PTPN3: variants seen among roughly 807,000 people sequenced by gnomAD.
PTPN3 encodes tyrosine-protein phosphatase non-receptor type 3.
A neutral mutation model predicts 132.7 loss-of-function variants in PTPN3; 96 were observed. That is an observed-to-expected ratio of 0.72 (90% CI 0.61 to 0.86). The LOEUF (loss-of-function observed/expected upper bound fraction) is 0.86, where lower values mean the gene tolerates loss of function less well. Ranked by LOEUF, PTPN3 falls within the 40% of genes least tolerant of loss-of-function variation. The pLI is 0.00. For missense variants in PTPN3, 1,125 were observed against 1,159.6 expected, an observed-to-expected ratio of 0.97 and a Z score of 0.43; for synonymous variants, 398 against 429.0, an observed-to-expected ratio of 0.93 and a Z score of 0.89.
intron 10 of PTPN3, among the ~76,000 whole-genome samples, chr9:109,431,724 T>C (rs1436482755): frequency 6.6e-6 from 1 of 152,242 alleles, no homozygotes; most frequent in African/African-American, 2.4e-5. Flanking sequence ...ACTTAAGCGT[T>C]TTCCTACAAA....
the PTPN3 span, among the ~76,000 whole-genome samples, chr9:109,518,162 C>T: frequency 1.3e-5 from 2 of 152,206 alleles, no homozygotes; most frequent in African/African-American, 4.8e-5. Context: ...CCTCTTTGTT[C>T]CCTCTGCTCC....
intron 1 of PTPN3, among the ~76,000 whole-genome samples, chr9:109,470,269 C>A (rs1846311808): frequency 6.6e-6 from 1 of 152,160 alleles, no homozygotes; most frequent in South Asian, 2.1e-4. Context: ...TCACTGTAGA[C>A]ACACAGATGC....
intron 14 of PTPN3, among the ~76,000 whole-genome samples, chr9:109,416,169 G>C (rs1220076553): frequency 1.2e-4 from 19 of 152,178 alleles, no homozygotes; most frequent in Non-Finnish European, 1.5e-5. Flanking sequence ...AAGGCTGGCA[G>C]GTGGAACTGG....
intron 4 of PTPN3, 73 bp from the exon 5 acceptor site, chr9:109,454,647 A>G: frequency 2.6e-6 from 3 of 1,161,440 alleles, no homozygotes; most frequent in Admixed American, 1.8e-5. Flanking sequence ...CTTCTCTTCC[A>G]TAAGTGATGC....
At chr9:109,432,961 A>ACTCTC (rs2131905742) in intron 10 of PTPN3, 112 bp downstream of exon 10, 1 of 1,459,296 alleles carries the variant, frequency 6.9e-7, no homozygotes, top group South Asian at 1.5e-5. Flanking sequence ...CTCGGGAGGC[A>ACTCTC]CTCTCTATCT....
intron 21 of PTPN3, among the ~76,000 whole-genome samples, chr9:109,389,873 C>T (rs1261435386): frequency 6.6e-6 from 1 of 152,192 alleles, no homozygotes; most frequent in African/African-American, 2.4e-5. Context: ...GTTGGTCAAT[C>T]TTGACATTAA....
chr9:109,379,826 CAA>C (rs1184810429), intron 25 of PTPN3, among the ~76,000 whole-genome samples, 193 bp from the exon 26 acceptor site: 1 of 152,092 alleles, frequency 6.6e-6, no homozygotes, highest in African/African-American at 2.4e-5. Context: ...GAGGGGTGGG[CAA>C]AGTGTCATGG....
At chr9:109,440,022 G>C (rs1193116346) in intron 7 of PTPN3, among the ~76,000 whole-genome samples, 1 of 152,192 alleles carries the variant, frequency 6.6e-6, no homozygotes, top group African/African-American at 2.4e-5. Flanking sequence ...CCATAACGAA[G>C]GGATCTGTTT....
At chr9:109,499,777 C>T (rs761809321), upstream of PTPN3, among the ~76,000 whole-genome samples, 4 of 152,204 alleles carry the variant, frequency 2.6e-5, no homozygotes, top group African/African-American at 4.8e-5. Context: ...GCCGCTGCAG[C>T]GGGTGCCGCC....
At chr9:109,475,808 A>G (rs901196299) in intron 1 of PTPN3, among the ~76,000 whole-genome samples, 12 of 152,190 alleles carry the variant, frequency 7.9e-5, no homozygotes, top group Non-Finnish European at 1.0e-4. Context: ...CATACCAGCC[A>G]AGAAGCTGGA....
chr9:109,424,821 A>T (rs1265547156), intron 12 of PTPN3, among the ~76,000 whole-genome samples: 3 of 152,256 alleles, frequency 2.0e-5, no homozygotes, highest in Admixed American at 6.5e-5. Flanking sequence ...TGTTGCTTTC[A>T]GTCACCAAAA....
Position 109,485,290 on chromosome 9 carries a change from G to A in PTPN3, c.-18+12929C>T, listed in dbSNP as rs530047930. On this transcript the variant is annotated intron_variant, in intron 1 of 25. Transcript: ENST00000374541. ...TGGGAGGCCGAGGCGGGTGGATCACGAGGTCAGGAGATCGAGACCATCCTG... is the reference window on the plus strand; with the variant it reads ...TGGGAGGCCGAGGCGGGTGGATCACAAGGTCAGGAGATCGAGACCATCCTG... Among the ~76,000 whole-genome samples the A allele has an allele frequency of 3.3e-4, 50 of 152,210 alleles. No homozygotes were observed. In the South Asian group the frequency reaches 4.1e-3, roughly 13 times the overall value.
rs574383873 is a variant in PTPN3 at position 109,454,555 on chromosome 9, C to A, written c.309G>T (p.Leu103=). 3 of 1,613,302 alleles carry A rather than the reference C, an allele frequency of 1.9e-6. No homozygotes were observed. Among genetic ancestry groups the A allele is most frequent in the African/African-American group, 2.7e-5 (2 of 74,902 alleles). The change falls in exon 5 of 26, where the codon CTG becomes CTT. Residue 103 remains leucine, a synonymous_variant. Transcript: ENST00000374541. ...GTATAAAAAATCTTACTCGAAAATGCAGGGTACAGGGGAAACCTCCTACAA... is the reference window on the plus strand; with the variant it reads ...GTATAAAAAATCTTACTCGAAAATGAAGGGTACAGGGGAAACCTCCTACAA... ...KQLKGGFPCT[L]HFRVRFFIPD... is the part of the protein sequence containing the mutation.
At chr9:109,536,344 A>G in the PTPN3 span, among the ~76,000 whole-genome samples, 1 of 152,312 alleles carries the variant, frequency 6.6e-6, no homozygotes, top group African/African-American at 2.4e-5. Context: ...CCGATCTTCA[A>G]TCCTTTTGGG....
At chr9:109,488,926 G>C (rs1847334500) in intron 1 of PTPN3, among the ~76,000 whole-genome samples, 4 of 152,138 alleles carry the variant, frequency 2.6e-5, no homozygotes, top group Non-Finnish European at 5.9e-5. Flanking sequence ...AATGCCACCT[G>C]CTTCCCTGCC....
At chr9:109,518,748 T>C in the PTPN3 span, among the ~76,000 whole-genome samples, 1 of 152,186 alleles carries the variant, frequency 6.6e-6, no homozygotes, top group Non-Finnish European at 1.5e-5. Context: ...GGGCTCATAA[T>C]TCCACAAACC....
At chr9:109,385,138 T>C (rs1839463241) in intron 22 of PTPN3, among the ~76,000 whole-genome samples, 1 of 152,216 alleles carries the variant, frequency 6.6e-6, no homozygotes, top group Non-Finnish European at 1.5e-5. Context: ...AGACTCCCCT[T>C]ATTCCACAGT....
chr9:109,382,477 C>T (rs764205168), intron 23 of PTPN3, 30 bp from the exon 24 acceptor site: 14 of 1,612,332 alleles, frequency 8.7e-6, no homozygotes, highest in South Asian at 2.2e-5. Context: ...CTTGGTGAGC[C>T]CATCCAGGTG....
chr9:109,494,678 T>C (rs56387010), intron 1 of PTPN3, among the ~76,000 whole-genome samples: 19,392 of 152,146 alleles, frequency 0.13, 1,471 homozygotes, highest in Middle Eastern at 0.25. Context: ...CTGGTGTCTC[T>C]TGCACCTAGC....
Sources: allele counts gnomAD v4.1 joint callset (sites outside exome capture counted in the v4.1 genomes callset), GRCh38; gene constraint gnomAD v4.1.1; transcripts MANE v1.5; gene names NCBI Gene and HGNC (gene_info 2026-07-23, HGNC 2026-07-21).